ATG4C: variants seen among roughly 807,000 people sequenced by gnomAD.
ATG4C encodes the protein autophagy related 4C cysteine peptidase.
In ATG4C, 56 loss-of-function variants were observed where a neutral mutation model predicts 57.6. That is an observed-to-expected ratio of 0.97 (90% CI 0.78 to 1.21). The LOEUF is 1.21. Ranked by LOEUF, ATG4C falls within the 50% of genes most tolerant of loss-of-function variation. The pLI, the probability that ATG4C is intolerant of heterozygous loss-of-function variation, is 0.00. For missense variants in ATG4C, 595 were observed against 529.8 expected (o/e 1.12, Z -1.21); for synonymous variants, 157 against 174.1 (o/e 0.90, Z 0.78).
At chr1:62,859,434 T>C (rs1053132620) in intron 10 of ATG4C, among the ~76,000 whole-genome samples, 3 of 152,160 alleles carry the variant, frequency 2.0e-5, no homozygotes, top group African/African-American at 7.2e-5. Flanking sequence ...TGTATCTAAA[T>C]GTATCTAAAC....
intron 3 of ATG4C, 118 bp from the exon 4 acceptor site, chr1:62,816,457 A>C (rs1204968305): frequency 1.5e-6 from 1 of 687,408 alleles, no homozygotes; most frequent in African/African-American, 1.9e-5. Context: ...AGATAAAATT[A>C]GAAAAAAAGG....
chr1:62,855,531 A>C (rs1666655796), intron 10 of ATG4C, among the ~76,000 whole-genome samples: 1 of 151,672 alleles, frequency 6.6e-6, no homozygotes, highest in Middle Eastern at 3.2e-3. Flanking sequence ...TATGGAATGC[A>C]TATCAGCACA....
intron 9 of ATG4C, among the ~76,000 whole-genome samples, chr1:62,839,366 C>CT (rs1335615039): frequency 6.6e-6 from 1 of 152,138 alleles, no homozygotes; most frequent in African/African-American, 2.4e-5. Flanking sequence ...TACATGAAAA[C>CT]TTTTACCAGT....
At chr1:62,854,152 A>G (rs1666603775) in intron 10 of ATG4C, among the ~76,000 whole-genome samples, 1 of 151,500 alleles carries the variant, frequency 6.6e-6, no homozygotes, top group Non-Finnish European at 1.5e-5. Flanking sequence ...AAAATTAATT[A>G]TAGTAATTTT....
At chr1:62,834,973 T>G (rs1665954058) in intron 9 of ATG4C, 121 bp downstream of exon 9, 1 of 749,334 alleles carries the variant, frequency 1.3e-6, no homozygotes, top group African/African-American at 1.8e-5. Context: ...ATCAATATTT[T>G]ACTGATCTAT....
At chr1:62,802,686 C>T (rs1267537507) in intron 1 of ATG4C, among the ~76,000 whole-genome samples, 2 of 152,168 alleles carry the variant, frequency 1.3e-5, no homozygotes, top group Non-Finnish European at 2.9e-5. Flanking sequence ...TTAACCTGGT[C>T]TACAAGGCCG....
At chr1:62,787,556 A>C (rs1277372706) in intron 1 of ATG4C, among the ~76,000 whole-genome samples, 1 of 152,186 alleles carries the variant, frequency 6.6e-6, no homozygotes, top group East Asian at 1.9e-4. Flanking sequence ...TATTGAACCC[A>C]AACAGTAGTG....
At chr1:62,806,780 TA>T (rs1664894992) in intron 3 of ATG4C, among the ~76,000 whole-genome samples, 1 of 152,136 alleles carries the variant, frequency 6.6e-6, no homozygotes, top group South Asian at 2.1e-4. Context: ...ATACTTGATG[TA>T]AGAGGATTTT....
chr1:62,849,304 G>A (rs991427610), intron 10 of ATG4C, among the ~76,000 whole-genome samples: 1 of 152,048 alleles, frequency 6.6e-6, no homozygotes, highest in African/African-American at 2.4e-5. Flanking sequence ...CGAAGAGCTT[G>A]CCTTTGTTGT....
In ATG4C at chr1:62,837,893, C is replaced by T. The variant is rs569050696; in HGVS notation, c.1089+3041C>T. On this transcript the variant is annotated intron_variant, in intron 9 of 10. Transcript: ENST00000317868. ...GTAGCCTTGACCTCCTGGGCTTTAGCGATCTCTCCACCTTAGCCACTCAAG... is the reference window on the plus strand; with the variant it reads ...GTAGCCTTGACCTCCTGGGCTTTAGTGATCTCTCCACCTTAGCCACTCAAG... 3.3e-5 allele frequency among the ~76,000 whole-genome samples: 5 copies of T among 152,196 alleles called. No homozygotes were observed. The East Asian group carries it at 7.7e-4, about 24-fold the overall frequency.
intron 7 of ATG4C, among the ~76,000 whole-genome samples, chr1:62,831,893 A>G (rs1488772926): frequency 6.6e-6 from 1 of 152,094 alleles, no homozygotes; most frequent in Non-Finnish European, 1.5e-5. Context: ...AGAACCATTC[A>G]TTTTCTGAGG....
Position 62,864,293 on chromosome 1 carries a change from AT to A in ATG4C, c.*135del, listed in dbSNP as rs1553231904. The stretch of plus-strand genomic sequence containing the variant: ...GTTCTTTAAAAAAGAACATTTGAAA[AT>A]ATAACAGTTAAAGATATTTTTCTAA... On this transcript the variant is annotated 3_prime_UTR_variant, in exon 11 of 11. Transcript: ENST00000317868. 3 of 700,332 alleles carry A rather than the reference AT, an allele frequency of 4.3e-6. No individual in the cohort carries two copies. The highest frequency in any genetic ancestry group is 6.7e-6 in the Non-Finnish European group (3 of 446,232). The allele number at this position is 700,332 out of a possible 1,614,324, so 43.4% of individuals were successfully genotyped here.
intron 3 of ATG4C, among the ~76,000 whole-genome samples, chr1:62,809,567 AT>A (rs1665002025): frequency 6.8e-6 from 1 of 147,054 alleles, no homozygotes; most frequent in African/African-American, 2.5e-5. Flanking sequence ...AATATATAAT[AT>A]TTAATAATAT....
intron 10 of ATG4C, among the ~76,000 whole-genome samples, chr1:62,853,574 C>T (rs566089005): frequency 2.0e-5 from 3 of 152,044 alleles, no homozygotes; most frequent in South Asian, 4.1e-4. Flanking sequence ...AGCCTCCTGA[C>T]TAGCTGGGAC....
intron 10 of ATG4C, among the ~76,000 whole-genome samples, chr1:62,863,435 G>A (rs991924237): frequency 6.6e-6 from 1 of 151,840 alleles, no homozygotes; most frequent in African/African-American, 2.4e-5. Flanking sequence ...GATTTCTTTT[G>A]CTCTGTTTTT....
chr1:62,832,959 C>T lies in ATG4C; in HGVS notation c.934-1079C>T, dbSNP rs995982750. ...CATATATAAAATTGTATTTGTAAATCTGTGTGTGTATGTATGTAATGTAGA... is the reference window on the plus strand; with the variant it reads ...CATATATAAAATTGTATTTGTAAATTTGTGTGTGTATGTATGTAATGTAGA... On this transcript the variant is annotated intron_variant, in intron 7 of 10. Transcript: ENST00000317868. Among the ~76,000 whole-genome samples, 42 of 151,998 alleles carry T rather than the reference C, an allele frequency of 2.8e-4. 1 individual carries two copies. Among genetic ancestry groups the T allele is most frequent in the Non-Finnish European group, 2.9e-5 (2 of 68,000 alleles).
chr1:62,806,462 T>A (rs1163058452), intron 3 of ATG4C, among the ~76,000 whole-genome samples: 2 of 152,082 alleles, frequency 1.3e-5, no homozygotes, highest in Non-Finnish European at 2.9e-5. Flanking sequence ...TAAGTGATAT[T>A]ATTTGTGATT....
intron 1 of ATG4C, among the ~76,000 whole-genome samples, chr1:62,793,799 A>G (rs899407521): frequency 2.3e-4 from 35 of 151,470 alleles, no homozygotes; most frequent in African/African-American, 8.2e-4. Context: ...CTCTTATGTA[A>G]AGATAGCAGT....
intron 10 of ATG4C, among the ~76,000 whole-genome samples, chr1:62,856,020 A>G (rs1173218999): frequency 6.6e-6 from 1 of 152,224 alleles, no homozygotes; most frequent in Non-Finnish European, 1.5e-5. Context: ...ATCAGCCTGT[A>G]TGTAGTCTTA....
Sources: gnomAD v4.1 joint callset for allele counts (sites outside exome capture counted in the v4.1 genomes callset) on GRCh38, gnomAD v4.1.1 for gene constraint, MANE v1.5 for transcripts, NCBI Gene and HGNC (gene_info 2026-07-23, HGNC 2026-07-21) for gene names.